Variants in CDC14B observed in about 807,000 individuals in gnomAD.
CDC14B encodes cell division cycle 14B, also known as dual specificity protein phosphatase CDC14B.
A neutral mutation model predicts 64.2 loss-of-function variants in CDC14B; 22 were observed. The observed-to-expected ratio is 0.34, with a 90% CI of 0.24 to 0.49. CDC14B has a LOEUF of 0.49. Ranked by LOEUF, CDC14B falls within the 20% of genes least tolerant of loss-of-function variation. The pLI, the probability that CDC14B is intolerant of heterozygous loss-of-function variation, is 0.99. For synonymous variants in CDC14B, 191 were observed against 215.8 expected, an observed-to-expected ratio of 0.89 and a Z score of 1.01; for missense variants, 498 against 629.9, an observed-to-expected ratio of 0.79 and a Z score of 2.24.
intron 9 of CDC14B, among the ~76,000 whole-genome samples, chr9:96,527,223 C>A (rs925875409): frequency 3.3e-5 from 5 of 151,950 alleles, no homozygotes; most frequent in East Asian, 3.9e-4. Flanking sequence ...CACAGTGAAA[C>A]CCCGTCTCTA....
At chr9:96,596,011 A>C (rs184534269) in intron 1 of CDC14B, among the ~76,000 whole-genome samples, 1 of 152,294 alleles carries the variant, frequency 6.6e-6, no homozygotes, top group Admixed American at 6.5e-5. Flanking sequence ...ATTGAAATAC[A>C]CATTTTAAGT....
At chr9:96,494,961 A>G (rs956712296) in intron 13 of CDC14B, among the ~76,000 whole-genome samples, 1 of 151,148 alleles carries the variant, frequency 6.6e-6, no homozygotes, top group Non-Finnish European at 1.5e-5. Context: ...CAGCCTCCCA[A>G]GTAGCTGGGA....
intron 13 of CDC14B, among the ~76,000 whole-genome samples, chr9:96,493,791 C>T (rs544011270): frequency 5.9e-5 from 9 of 152,320 alleles, no homozygotes; most frequent in African/African-American, 2.2e-4. Context: ...TGCCACTGCA[C>T]TCCAGCCTGG....
chr9:96,580,393 G>A (rs554903835), intron 1 of CDC14B, among the ~76,000 whole-genome samples: 4 of 152,094 alleles, frequency 2.6e-5, no homozygotes, highest in African/African-American at 4.8e-5. Context: ...CACCACGCCC[G>A]GCTAATTTTG....
At chr9:96,533,560 C>T (rs1838823562) in intron 9 of CDC14B, among the ~76,000 whole-genome samples, 1 of 152,058 alleles carries the variant, frequency 6.6e-6, no homozygotes, top group African/African-American at 2.4e-5. Flanking sequence ...TTCATTTATT[C>T]AAAAAATATC....
chr9:96,534,815 T>C (rs1050979084), intron 7 of CDC14B, among the ~76,000 whole-genome samples: 2 of 152,226 alleles, frequency 1.3e-5, no homozygotes, highest in Non-Finnish European at 2.9e-5. Flanking sequence ...CATACAAATA[T>C]ACTATTTGGT....
chr9:96,589,203 G>A (rs1429263098), intron 1 of CDC14B, among the ~76,000 whole-genome samples: 1 of 152,074 alleles, frequency 6.6e-6, no homozygotes, highest in South Asian at 2.1e-4. Context: ...GCTGGGCGTG[G>A]TGGCATGCGC....
rs1288853259 is a variant in CDC14B at position 96,515,970 on chromosome 9, TA to T, written c.1344-6182del. Reference sequence around the variant, plus strand: ...TGGAGTTTTGCCATTTTATGTTGAATAAAAAAATGCTGTGTTTAAACAGGTT... The same window carrying T: ...TGGAGTTTTGCCATTTTATGTTGAATAAAAAATGCTGTGTTTAAACAGGTT... On this transcript the variant is annotated intron_variant, in intron 12 of 13. Transcript: ENST00000375241. The surrounding 1 kb of genome is among the most constrained non-coding windows in gnomAD (Gnocchi z 4.3). 2.6e-5 allele frequency among the ~76,000 whole-genome samples: 4 copies of T among 152,126 alleles called. No homozygotes were observed. Among genetic ancestry groups the T allele is most frequent in the African/African-American group, 9.7e-5 (4 of 41,412 alleles).
At chr9:96,565,023 A>G (rs555976723) in intron 2 of CDC14B, among the ~76,000 whole-genome samples, 171 bp from the exon 3 acceptor site, 1 of 152,346 alleles carries the variant, frequency 6.6e-6, no homozygotes, top group South Asian at 2.1e-4. Context: ...CTGGTAAATA[A>G]TGCCTACTTA....
intron 1 of CDC14B, among the ~76,000 whole-genome samples, chr9:96,569,712 C>T (rs138243919): frequency 0.031 from 4,781 of 152,086 alleles, 97 homozygotes; most frequent in Middle Eastern, 0.051. Context: ...GCAACCTCCA[C>T]CTCCCAGGCT....
intron 1 of CDC14B, among the ~76,000 whole-genome samples, chr9:96,590,650 G>T (rs1201751523): frequency 2.3e-4 from 32 of 140,920 alleles, no homozygotes; most frequent in Middle Eastern, 3.7e-3. Flanking sequence ...TTATTTCCTG[G>T]TTTTTTTTTT....
intron 1 of CDC14B, among the ~76,000 whole-genome samples, chr9:96,573,040 G>A (rs1326036712): frequency 6.6e-6 from 1 of 152,220 alleles, no homozygotes; most frequent in East Asian, 1.9e-4. Flanking sequence ...CAGGCGTGGT[G>A]GCTTATGCCT....
chr9:96,496,962 G>A (rs1833273557), downstream of CDC14B, among the ~76,000 whole-genome samples: 1 of 152,238 alleles, frequency 6.6e-6, no homozygotes, highest in South Asian at 2.1e-4. Flanking sequence ...GTAGGCGGGT[G>A]CCAGGACGCC....
chr9:96,613,886 T>A (rs1847467700), intron 1 of CDC14B, among the ~76,000 whole-genome samples: 1 of 152,232 alleles, frequency 6.6e-6, no homozygotes, highest in Non-Finnish European at 1.5e-5. Flanking sequence ...ATAGTAAGCA[T>A]GCAATAAATA....
rs1375873049 is a variant in CDC14B at position 96,619,654 on chromosome 9, C to T, written c.-276G>A. 6.8e-6 allele frequency: 1 copy of T among 147,620 alleles called. No homozygotes were observed. Among genetic ancestry groups the T allele is most frequent in the Non-Finnish European group, 1.5e-5 (1 of 66,358 alleles). The allele number at this position is 147,620 out of a possible 1,614,324, so 9.1% of individuals were successfully genotyped here. The stretch of plus-strand genomic sequence containing the variant: ...CGCCTCCTGCCGCGGCCGGCGCCCC[C>T]AGCCCGCCCCCAGGTGCCCGCAGCC... On this transcript the variant is annotated 5_prime_UTR_variant, in exon 1 of 14. Coordinates refer to ENST00000375241, the MANE Select transcript of CDC14B (RefSeq NM_033331.4).
rs555198204 is a variant in CDC14B, at chr9:96,515,433, G to A, written c.1344-5644C>T. Among the ~76,000 whole-genome samples, 23 of 152,214 alleles carry A rather than the reference G, an allele frequency of 1.5e-4. No homozygotes were observed. The highest frequency in any genetic ancestry group is 3.1e-4 in the Non-Finnish European group (21 of 68,022). Reference sequence around the variant, plus strand: ...AGGATAAGCATAACTTTAAAACAACGTATGTTACTTTCAATATCCTTTCTA... The same window carrying A: ...AGGATAAGCATAACTTTAAAACAACATATGTTACTTTCAATATCCTTTCTA... On this transcript the variant is annotated intron_variant, in intron 12 of 13. Coordinates refer to ENST00000375241, the MANE Select transcript of CDC14B (RefSeq NM_033331.4). This position sits in a 1 kb window ranked among gnomAD's most constrained non-coding sequence, Gnocchi z 4.3.
At chr9:96,551,005 A>C (rs1274062937) in intron 5 of CDC14B, among the ~76,000 whole-genome samples, 2 of 150,488 alleles carry the variant, frequency 1.3e-5, no homozygotes, top group African/African-American at 4.9e-5. Flanking sequence ...ACTACTGATT[A>C]TTGGGAACGT....
At chr9:96,617,625 T>C (rs536887201) in intron 1 of CDC14B, among the ~76,000 whole-genome samples, 5 of 152,152 alleles carry the variant, frequency 3.3e-5, no homozygotes, top group African/African-American at 1.2e-4. Context: ...ACGTGTATGG[T>C]AGAGAATATA....
chr9:96,549,072 A>G (rs1841408778), intron 5 of CDC14B, among the ~76,000 whole-genome samples: 1 of 152,234 alleles, frequency 6.6e-6, no homozygotes, highest in Non-Finnish European at 1.5e-5. Flanking sequence ...TCTATAGAAC[A>G]CTATGTGAAG....
Sources: gnomAD v4.1 joint callset for allele counts (sites outside exome capture counted in the v4.1 genomes callset) on GRCh38, gnomAD v4.1.1 for gene constraint, Gnocchi (gnomAD v3.1) non-coding constraint, MANE v1.5 for transcripts, NCBI Gene and HGNC (gene_info 2026-07-23, HGNC 2026-07-21) for gene names.